The following NUP210 variants were observed in gnomAD, a reference collection of about 807,000 sequenced individuals.
NUP210 encodes the protein nuclear pore membrane glycoprotein 210.
A neutral mutation model predicts 196.0 loss-of-function variants in NUP210; 151 were observed. The ratio of observed to expected loss-of-function variants is 0.77; its 90% CI spans 0.67 to 0.88. The LOEUF is 0.88. NUP210 is among the 40% of genes least tolerant of loss of function. The pLI is 0.00. For synonymous variants in NUP210, 1,070 were observed against 1,052.7 expected (o/e 1.02, Z -0.32); for missense variants, 2,314 against 2,493.7 (o/e 0.93, Z 1.53).
chr3:13,367,304 G>A (rs1559331282), intron 13 of NUP210, among the ~76,000 whole-genome samples: 1 of 151,836 alleles, frequency 6.6e-6, no homozygotes, highest in Non-Finnish European at 1.5e-5. Context: ...GTGTGGTGGC[G>A]CCTGTCTGTA....
intron 10 of NUP210, 64 bp from the exon 11 acceptor site, chr3:13,375,705 C>A: frequency 1.3e-6 from 2 of 1,543,434 alleles, no homozygotes; most frequent in South Asian, 2.3e-5. Flanking sequence ...CTTTCCCAGT[C>A]ACCGGACCCC....
At chr3:13,386,956 T>A (rs1340186887) in intron 5 of NUP210, among the ~76,000 whole-genome samples, 1 of 152,214 alleles carries the variant, frequency 6.6e-6, no homozygotes, top group East Asian at 1.9e-4. Flanking sequence ...AGGTGCCCTG[T>A]CTAGTGCACC....
At chr3:13,328,124 G>C (rs1696851316) in intron 31 of NUP210, among the ~76,000 whole-genome samples, 1 of 152,250 alleles carries the variant, frequency 6.6e-6, no homozygotes, top group Non-Finnish European at 1.5e-5. Flanking sequence ...CTGCAGTGCA[G>C]CCAAAGGGCT....
At chr3:13,404,602 A>G (rs1180499173) in intron 1 of NUP210, among the ~76,000 whole-genome samples, 1 of 152,130 alleles carries the variant, frequency 6.6e-6, no homozygotes, top group African/African-American at 2.4e-5. Context: ...GGAAAACGGG[A>G]CTGGTTTAAG....
rs1041553939 is a variant in NUP210, at chr3:13,337,911, C to T, written c.3478G>A (p.Val1160Met). The change falls in exon 26 of 40, where the codon GTG (valine) becomes ATG (methionine). Residue 1160 changes from valine to methionine, a missense_variant. Coordinates refer to ENST00000254508, the MANE Select transcript of NUP210 (RefSeq NM_024923.4). ...CTTAGCAGCAGCACCTCCACCTGCACGAGGTCCTGGGGAAACAGGGTGGCA... is the reference window on the plus strand; with the variant it reads ...CTTAGCAGCAGCACCTCCACCTGCATGAGGTCCTGGGGAAACAGGGTGGCA... The part of the protein sequence containing the change: ...GKVVIISQDL[V>M]QVEVLLLRAV... 5.0e-6 allele frequency: 8 copies of T among 1,612,524 alleles called. No homozygotes were observed. The highest frequency in any genetic ancestry group is 2.7e-5 in the African/African-American group (2 of 74,926).
At position 13,414,139 on chromosome 3, in the gene NUP210, A is replaced by G. The variant is rs552465560; in HGVS notation, c.167+5921T>C. On this transcript the variant is annotated intron_variant, in intron 1 of 39. Transcript: ENST00000254508. The stretch of plus-strand genomic sequence containing the variant: ...TGGGTCAGGCCAGAAAGCAACAGTG[A>G]AAAGAAAAGAGAAGTGAGAGTTGCA... 2.2e-4 allele frequency among the ~76,000 whole-genome samples: 34 copies of G among 152,334 alleles called. No individual in the cohort carries two copies. The East Asian group carries it at 6.4e-3, about 29-fold the overall frequency.
At chr3:13,317,945 A>G (rs1259406113) in intron 39 of NUP210, among the ~76,000 whole-genome samples, 164 bp from the exon 40 acceptor site, 1 of 151,950 alleles carries the variant, frequency 6.6e-6, no homozygotes, top group Non-Finnish European at 1.5e-5. Context: ...GCACCTGCTG[A>G]GCTGGCCTCA....
In NUP210 at chr3:13,381,559, C is replaced by T. The variant is rs905584267; in HGVS notation, c.818-1838G>A. On this transcript the variant is annotated intron_variant, in intron 6 of 39. Coordinates refer to ENST00000254508, the MANE Select transcript of NUP210 (RefSeq NM_024923.4). Reference sequence around the variant, plus strand: ...CTAAGTAGTTGAGACTACCAATGCACGCCACCATACCTGGCCTTAGATACC... The same window carrying T: ...CTAAGTAGTTGAGACTACCAATGCATGCCACCATACCTGGCCTTAGATACC... 5.9e-5 allele frequency among the ~76,000 whole-genome samples: 9 copies of T among 151,946 alleles called. No homozygotes were observed. The South Asian group carries it at 6.2e-4, about 11-fold the overall frequency.
intron 3 of NUP210, among the ~76,000 whole-genome samples, chr3:13,391,870 C>T (rs1038418825): frequency 6.6e-6 from 1 of 151,974 alleles, no homozygotes; most frequent in Non-Finnish European, 1.5e-5. Context: ...CCAGCCTTGG[C>T]TCTTATGTCC....
At chr3:13,410,457 C>T (rs532429868) in intron 1 of NUP210, among the ~76,000 whole-genome samples, 70 of 147,946 alleles carry the variant, frequency 4.7e-4, no homozygotes, top group Admixed American at 1.6e-3. Flanking sequence ...GGATTACAGG[C>T]GTGAGCCACT....
chr3:13,398,010 C>A (rs1699721234), intron 2 of NUP210, among the ~76,000 whole-genome samples: 1 of 152,178 alleles, frequency 6.6e-6, no homozygotes. Flanking sequence ...ACCTGGGGAA[C>A]CCTCAAGTGT....
rs1350648515 is a variant in NUP210, at chr3:13,323,754, C to G, written c.4645-322G>C. Among the ~76,000 whole-genome samples, 1 of 152,184 alleles carries G rather than the reference C, an allele frequency of 6.6e-6. No homozygotes were observed. The highest frequency in any genetic ancestry group is 1.5e-5 in the Non-Finnish European group (1 of 68,038). On this transcript the variant is annotated intron_variant, in intron 33 of 39. Transcript: ENST00000254508. The surrounding 1 kb of genome is among the most constrained non-coding windows in gnomAD (Gnocchi z 4.3). ...TTGGCTGTTCGGACAGCCATGATCA[C>G]TTCTCTGTAGTACAGCACCACACCC...
intron 14 of NUP210, among the ~76,000 whole-genome samples, chr3:13,363,532 GACAGGTTA>G (rs1424275821): frequency 6.6e-6 from 1 of 152,260 alleles, no homozygotes; most frequent in African/African-American, 2.4e-5. Context: ...GTGCCAAGGA[GACAGGTTA>G]ACAACGCAGC....
At chr3:13,397,775 G>A (rs2124944553) in intron 2 of NUP210, among the ~76,000 whole-genome samples, 1 of 152,358 alleles carries the variant, frequency 6.6e-6, no homozygotes, top group Middle Eastern at 3.4e-3. Flanking sequence ...TTCGTTCAGG[G>A]TGTAAGCATT....
intron 5 of NUP210, among the ~76,000 whole-genome samples, chr3:13,387,555 G>C (rs1181665264): frequency 6.6e-6 from 1 of 152,242 alleles, no homozygotes; most frequent in Admixed American, 6.5e-5. Flanking sequence ...ACTACAGAGA[G>C]TGAATCAGAA....
chr3:13,341,708 C>T (rs1323889168), intron 23 of NUP210, 40 bp downstream of exon 23: 1 of 1,611,830 alleles, frequency 6.2e-7, no homozygotes, highest in African/African-American at 1.3e-5. Flanking sequence ...ACCCCCAGCA[C>T]TGGGCTGATC....
At chr3:13,387,426 C>T (rs1243073217) in intron 5 of NUP210, among the ~76,000 whole-genome samples, 1 of 152,216 alleles carries the variant, frequency 6.6e-6, no homozygotes, top group Non-Finnish European at 1.5e-5. Flanking sequence ...AGCCTGGGCC[C>T]TACACAGGAG....
At chr3:13,384,206 C>A (rs954732196) in intron 6 of NUP210, among the ~76,000 whole-genome samples, 19 of 152,222 alleles carry the variant, frequency 1.2e-4, no homozygotes, top group African/African-American at 4.6e-4. Flanking sequence ...CGTGATCCGC[C>A]CGCCTCAGCC....
chr3:13,359,850 C>CA (rs908363190), intron 15 of NUP210, among the ~76,000 whole-genome samples: 44 of 151,632 alleles, frequency 2.9e-4, no homozygotes, highest in African/African-American at 8.2e-4. Flanking sequence ...ATTACCTATA[C>CA]AAAAAAAAAT....
Sources: allele counts gnomAD v4.1 joint callset (sites outside exome capture counted in the v4.1 genomes callset), GRCh38; gene constraint gnomAD v4.1.1; non-coding constraint Gnocchi (gnomAD v3.1); transcripts MANE v1.5; gene names NCBI Gene and HGNC (gene_info 2026-07-23, HGNC 2026-07-21).